CNOT4: variants seen among roughly 807,000 people sequenced by gnomAD.
CNOT4 encodes CCR4-NOT transcription complex subunit 4.
In CNOT4, 8 loss-of-function variants were observed where a neutral mutation model predicts 73.8. That is an observed-to-expected ratio of 0.11 (90% CI 0.06 to 0.20). CNOT4 has a LOEUF of 0.20. CNOT4 is among the 10% of genes least tolerant of loss of function. The pLI is 1.00. For missense variants in CNOT4, 564 were observed against 883.4 expected (o/e 0.64, Z 4.58); for synonymous variants, 293 against 321.1 (o/e 0.91, Z 0.94).
rs1585645217 is a variant in CNOT4 at position 135,439,779 on chromosome 7, A to C, written c.-92-1356T>G. ...TGGGTGACAGAGACCCTGTCTCAAA[A>C]TCAGAAAAATCTAGAAACAGACTCA... On this transcript the variant is annotated intron_variant, in intron 1 of 11. Coordinates refer to ENST00000541284, the MANE Select transcript of CNOT4 (RefSeq NM_001190850.2). Among the ~76,000 whole-genome samples, 4 of 152,330 alleles carry C rather than the reference A, an allele frequency of 2.6e-5. No homozygotes were observed. The South Asian group carries it at 8.3e-4, about 32-fold the overall frequency.
At chr7:135,390,606 C>T (rs58074369) in intron 10 of CNOT4, among the ~76,000 whole-genome samples, 2 of 152,078 alleles carry the variant, frequency 1.3e-5, no homozygotes, top group South Asian at 2.1e-4. Flanking sequence ...AACACAAAAA[C>T]AGTTTTCAAT....
intron 2 of CNOT4, among the ~76,000 whole-genome samples, chr7:135,422,864 C>T (rs1176351472): frequency 6.6e-6 from 1 of 152,156 alleles, no homozygotes; most frequent in Non-Finnish European, 1.5e-5. Context: ...AGCAATCACA[C>T]TGTTGTGTGA....
intron 2 of CNOT4, among the ~76,000 whole-genome samples, chr7:135,422,865 T>C (rs1798268254): frequency 6.6e-6 from 1 of 152,182 alleles, no homozygotes; most frequent in African/African-American, 2.4e-5. Flanking sequence ...GCAATCACAC[T>C]GTTGTGTGAT....
chr7:135,447,266 A>T (rs2551770), intron 1 of CNOT4, among the ~76,000 whole-genome samples: 1,926 of 152,368 alleles, frequency 0.013, 37 homozygotes, highest in African/African-American at 0.045. Flanking sequence ...AGCTATGAAC[A>T]GTGTGCTAAG....
chr7:135,441,409 A>G (rs912388414), intron 1 of CNOT4, among the ~76,000 whole-genome samples: 5 of 151,500 alleles, frequency 3.3e-5, no homozygotes, highest in African/African-American at 1.2e-4. Context: ...ATAAAATTAA[A>G]AAAAAAAAAA....
intron 10 of CNOT4, among the ~76,000 whole-genome samples, chr7:135,370,674 AGACTTGAGGGTCT>A (rs1795152093): frequency 6.6e-6 from 1 of 152,258 alleles, no homozygotes; most frequent in Non-Finnish European, 1.5e-5. Flanking sequence ...AGATATCTGC[AGACTTGAGGGTCT>A]GACTTGAGAA....
chr7:135,430,390 C>T (rs1355217575), intron 2 of CNOT4, among the ~76,000 whole-genome samples: 9 of 152,134 alleles, frequency 5.9e-5, no homozygotes, highest in Non-Finnish European at 8.8e-5. Context: ...ATAATCCCAG[C>T]ACTTTAGGAG....
intron 1 of CNOT4, among the ~76,000 whole-genome samples, chr7:135,508,269 A>G (rs1191081491): frequency 6.6e-6 from 1 of 152,214 alleles, no homozygotes; most frequent in Non-Finnish European, 1.5e-5. Flanking sequence ...TGGTCTGATT[A>G]TAGCCAGGGC....
chr7:135,461,917 A>G (rs1800900930), intron 1 of CNOT4, among the ~76,000 whole-genome samples: 1 of 152,148 alleles, frequency 6.6e-6, no homozygotes, highest in African/African-American at 2.4e-5. Context: ...TTTTTTTACC[A>G]AGATGAAATT....
At chr7:135,456,097 T>C (rs920062504) in intron 1 of CNOT4, among the ~76,000 whole-genome samples, 1 of 152,228 alleles carries the variant, frequency 6.6e-6, no homozygotes, top group Non-Finnish European at 1.5e-5. Flanking sequence ...TTACTGGCCA[T>C]TCAAACATTA....
intron 1 of CNOT4, among the ~76,000 whole-genome samples, chr7:135,453,270 A>G (rs533032220): frequency 6.6e-6 from 1 of 152,332 alleles, no homozygotes; most frequent in South Asian, 2.1e-4. Context: ...TGCAAGACCC[A>G]GTCTTAGCCA....
intron 7 of CNOT4, among the ~76,000 whole-genome samples, chr7:135,407,725 T>C (rs913339274): frequency 6.6e-6 from 1 of 152,190 alleles, no homozygotes; most frequent in Non-Finnish European, 1.5e-5. Flanking sequence ...GGGGTCTTGC[T>C]TTGTTGCCCA....
At chr7:135,481,701 A>G (rs550125388) in intron 1 of CNOT4, among the ~76,000 whole-genome samples, 18 of 152,246 alleles carry the variant, frequency 1.2e-4, no homozygotes, top group African/African-American at 4.1e-4. Context: ...TTAAGTGTCC[A>G]TCAGCAGATG....
chr7:135,406,779 G>A (rs1010367510), intron 7 of CNOT4, among the ~76,000 whole-genome samples: 1 of 152,060 alleles, frequency 6.6e-6, no homozygotes, highest in Non-Finnish European at 1.5e-5. Context: ...TACAACTTGT[G>A]GCTCCTAGAC....
intron 1 of CNOT4, among the ~76,000 whole-genome samples, chr7:135,455,718 T>TA (rs1800484518): frequency 6.6e-6 from 1 of 151,806 alleles, no homozygotes. Context: ...CTACTAAAAA[T>TA]AAAAAATTAG....
At chr7:135,455,395 T>C (rs1800462985) in intron 1 of CNOT4, among the ~76,000 whole-genome samples, 1 of 152,146 alleles carries the variant, frequency 6.6e-6, no homozygotes, top group African/African-American at 2.4e-5. Context: ...AATACATATA[T>C]GGGTGCTAGT....
chr7:135,408,852 T>C (rs1369528669), intron 7 of CNOT4, among the ~76,000 whole-genome samples: 1 of 152,332 alleles, frequency 6.6e-6, no homozygotes, highest in African/African-American at 2.4e-5. Flanking sequence ...AATGAAATGA[T>C]GTTATTGGAG....
intron 2 of CNOT4, among the ~76,000 whole-genome samples, chr7:135,433,346 TG>T (rs1798960252): frequency 6.7e-6 from 1 of 150,312 alleles, no homozygotes; most frequent in Non-Finnish European, 1.5e-5. Context: ...TATATCATCC[TG>T]TTCTTTTTTT....
intron 7 of CNOT4, among the ~76,000 whole-genome samples, chr7:135,405,055 T>C (rs976846307): frequency 1.3e-5 from 2 of 152,106 alleles, no homozygotes; most frequent in Admixed American, 6.5e-5. Flanking sequence ...GACTGAAGAG[T>C]GGGAGAATGA....
Sources: allele counts gnomAD v4.1 joint callset (sites outside exome capture counted in the v4.1 genomes callset), GRCh38; gene constraint gnomAD v4.1.1; transcripts MANE v1.5; gene names NCBI Gene and HGNC (gene_info 2026-07-23, HGNC 2026-07-21).